The following ZNF592 variants were observed in gnomAD, a reference collection of about 807,000 sequenced individuals.
The protein encoded by ZNF592 is spinocerebellar ataxia, autosomal recessive 5.
In ZNF592, 11 loss-of-function variants were observed where a neutral mutation model predicts 80.3. The ratio of observed to expected loss-of-function variants is 0.14; its 90% CI spans 0.09 to 0.23. The LOEUF is 0.23. Among genes scored for constraint, ZNF592 ranks in the 10% least tolerant of loss-of-function variants. The probability of loss-of-function intolerance (pLI) is 1.00; values close to 1 mark genes in which losing one functional copy is unlikely to be tolerated. For synonymous variants in ZNF592, 646 were observed against 640.3 expected (o/e 1.01, Z -0.13); for missense variants, 1,420 against 1,633.9 (o/e 0.87, Z 2.26).
In ZNF592 at chr15:84,767,350, C is replaced by T. The variant is rs79191054; in HGVS notation, c.-150+2535C>T. 4.7e-3 allele frequency among the ~76,000 whole-genome samples: 716 copies of T among 152,098 alleles called. 9 individuals carry two copies. Among genetic ancestry groups the T allele is most frequent in the East Asian group, 0.017 (86 of 5,156 alleles). On this transcript the variant is annotated intron_variant, in intron 2 of 10. Coordinates refer to ENST00000560079, the MANE Select transcript of ZNF592 (RefSeq NM_014630.3). ...CAACACTGTTTTCTAGGGTCCTTTG[C>T]GTCGGAAGTTGAGGCTTGGTTCCCA...
chr15:84,750,561 T>G (rs1271867261), intron 1 of ZNF592, among the ~76,000 whole-genome samples: 1 of 152,172 alleles, frequency 6.6e-6, no homozygotes, highest in Admixed American at 6.5e-5. Flanking sequence ...GAATTTATAT[T>G]ATACGGTGGC....
chr15:84,781,546 T>C (rs970410328), intron 3 of ZNF592, among the ~76,000 whole-genome samples: 2 of 152,232 alleles, frequency 1.3e-5, no homozygotes, highest in Non-Finnish European at 2.9e-5. Context: ...TTCCTGGACC[T>C]AAAGTTTGCC....
At chr15:84,748,997 G>A (rs1898932990) in intron 1 of ZNF592, among the ~76,000 whole-genome samples, 1 of 152,084 alleles carries the variant, frequency 6.6e-6, no homozygotes, top group African/African-American at 2.4e-5. Context: ...GGCGATAGCC[G>A]GCGGCCCCCA....
At chr15:84,780,068 C>G (rs1055811649) in intron 3 of ZNF592, among the ~76,000 whole-genome samples, 1 of 147,712 alleles carries the variant, frequency 6.8e-6, no homozygotes, top group African/African-American at 2.5e-5. Context: ...CTCACTGCAA[C>G]CTCCTCCTCC....
chr15:84,795,587 T>A (rs907496565), intron 5 of ZNF592, among the ~76,000 whole-genome samples: 1 of 152,250 alleles, frequency 6.6e-6, no homozygotes, highest in Non-Finnish European at 1.5e-5. Context: ...TAAGAGATTC[T>A]TTACACATAT....
intron 3 of ZNF592, among the ~76,000 whole-genome samples, chr15:84,780,491 T>A (rs1314463529): frequency 6.6e-6 from 1 of 152,192 alleles, no homozygotes; most frequent in Non-Finnish European, 1.5e-5. Flanking sequence ...GAGACAAACA[T>A]TCGTTCTGTT....
intron 1 of ZNF592, among the ~76,000 whole-genome samples, chr15:84,757,147 G>T (rs1899197355): frequency 6.6e-6 from 1 of 151,760 alleles, no homozygotes; most frequent in South Asian, 2.1e-4. Context: ...GTGATGATGG[G>T]GTCTTGCTAT....
At chr15:84,782,598 T>C in intron 3 of ZNF592, 59 bp from the exon 4 acceptor site, 2 of 1,507,596 alleles carry the variant, frequency 1.3e-6, no homozygotes, top group Non-Finnish European at 1.8e-6. Context: ...GGGTGTGTAG[T>C]GAAGATGGTC....
chr15:84,761,710 C>T (rs1163967460), intron 1 of ZNF592, among the ~76,000 whole-genome samples: 2 of 152,156 alleles, frequency 1.3e-5, no homozygotes, highest in Non-Finnish European at 2.9e-5. Context: ...CCTGTCTGTT[C>T]TTTCTGGTCT....
Position 84,790,687 on chromosome 15 carries a change from C to T in ZNF592, c.2221-18C>T. The T allele has an allele frequency of 6.2e-7, 1 of 1,614,106 alleles. No individual in the cohort carries two copies. Among genetic ancestry groups the T allele is most frequent in the African/African-American group, 1.3e-5 (1 of 75,042 alleles). On this transcript the variant is annotated intron_variant, in intron 4 of 10. Transcript: ENST00000560079. ...CTATGGCCCCTGCATGATCTGCTTT[C>T]TTGGTGTTCTTTCCTAGACCTGCCA...
At chr15:84,788,960 C>G (rs888941560) in intron 4 of ZNF592, among the ~76,000 whole-genome samples, 3 of 151,728 alleles carry the variant, frequency 2.0e-5, no homozygotes, top group Non-Finnish European at 4.4e-5. Flanking sequence ...CCTGTAAGCC[C>G]AGCACTTTGG....
At chr15:84,772,862 C>G (rs1425541651) in intron 2 of ZNF592, among the ~76,000 whole-genome samples, 4 of 152,092 alleles carry the variant, frequency 2.6e-5, no homozygotes, top group Non-Finnish European at 5.9e-5. Flanking sequence ...AACTAGAGAT[C>G]AAATTTTTCT....
At chr15:84,751,320 A>G (rs1899007120) in intron 1 of ZNF592, among the ~76,000 whole-genome samples, 1 of 152,244 alleles carries the variant, frequency 6.6e-6, no homozygotes, top group Admixed American at 6.5e-5. Context: ...GACTTATTCA[A>G]AGCCACATTT....
chr15:84,767,140 G>A (rs968037075), intron 2 of ZNF592, among the ~76,000 whole-genome samples: 76 of 152,046 alleles, frequency 5.0e-4, no homozygotes, highest in South Asian at 2.1e-4. Context: ...GACTAGAGGC[G>A]TACACCACCA....
chr15:84,752,664 G>A (rs1002799885), intron 1 of ZNF592, among the ~76,000 whole-genome samples: 3 of 152,212 alleles, frequency 2.0e-5, no homozygotes, highest in Non-Finnish European at 4.4e-5. Flanking sequence ...CTACCAGAGA[G>A]TCTTAGATAC....
rs1963143487 is a variant in ZNF592, at chr15:84,802,919, C to G, written c.*526C>G. The G allele has an allele frequency of 6.3e-6, 1 of 159,638 alleles. No individual in the cohort carries two copies. Among genetic ancestry groups the G allele is most frequent in the African/African-American group, 2.4e-5 (1 of 41,558 alleles). The allele number at this position is 159,638 out of a possible 1,614,324, so 9.9% of individuals were successfully genotyped here. On this transcript the variant is annotated 3_prime_UTR_variant, in exon 11 of 11. Transcript: ENST00000560079. ...GCGAGGGCCCTTGATCACCTTGCCCCTCCTCCCTGTCTTCTCTGATTCTTT... is the reference window on the plus strand; with the variant it reads ...GCGAGGGCCCTTGATCACCTTGCCCGTCCTCCCTGTCTTCTCTGATTCTTT...
At position 84,788,847 on chromosome 15, in the gene ZNF592, C is replaced by A. The variant is rs115815921; in HGVS notation, c.2221-1858C>A. 6.4e-3 allele frequency among the ~76,000 whole-genome samples: 975 copies of A among 152,256 alleles called. 13 individuals carry two copies. Among genetic ancestry groups the A allele is most frequent in the African/African-American group, 0.021 (893 of 41,538 alleles). On this transcript the variant is annotated intron_variant, in intron 4 of 10. Coordinates refer to ENST00000560079, the MANE Select transcript of ZNF592 (RefSeq NM_014630.3). ...ACAAGTGGAATCACACAGCATTTAT[C>A]TTTTTGTGACTGGCTTTTCCATTTA...
At chr15:84,759,667 T>G (rs1182538105) in intron 1 of ZNF592, among the ~76,000 whole-genome samples, 1 of 152,168 alleles carries the variant, frequency 6.6e-6, no homozygotes, top group Non-Finnish European at 1.5e-5. Flanking sequence ...AGGAATTAAT[T>G]AAGTCAACTG....
rs867970317 is a variant in ZNF592 at position 84,798,914 on chromosome 15, C to T, written c.3024+39C>T. 7.5e-6 allele frequency: 12 copies of T among 1,598,286 alleles called. No homozygotes were observed. In the Middle Eastern group the frequency reaches 1.6e-3, roughly 219 times the overall value. On this transcript the variant is annotated intron_variant, in intron 8 of 10. Transcript: ENST00000560079. The surrounding 1 kb of genome is among the most constrained non-coding windows in gnomAD (Gnocchi z 4.5). ...CACAGTCATAATGCAGAGCCCAGTC[C>T]TCTGGACTTCCTTCTGTGAAGCCAG...
Sources: allele counts gnomAD v4.1 joint callset (sites outside exome capture counted in the v4.1 genomes callset), GRCh38; gene constraint gnomAD v4.1.1; non-coding constraint Gnocchi (gnomAD v3.1); transcripts MANE v1.5; gene names NCBI Gene and HGNC (gene_info 2026-07-23, HGNC 2026-07-21).